The following HIRA variants were observed in gnomAD, a reference collection of about 807,000 sequenced individuals.
HIRA encodes the protein histone cell cycle regulator, also known as protein HIRA.
Under a neutral mutation model 126.6 loss-of-function variants are expected in HIRA, and 13 were observed. The observed-to-expected ratio is 0.10, with a 90% CI of 0.07 to 0.16. The LOEUF (loss-of-function observed/expected upper bound fraction) is 0.16, where lower values mean the gene tolerates loss of function less well. Among genes scored for constraint, HIRA ranks in the 10% least tolerant of loss-of-function variants. HIRA has a pLI of 1.00. For missense variants in HIRA, 834 were observed against 1,314.4 expected (o/e 0.63, Z 5.65); for synonymous variants, 511 against 520.0 (o/e 0.98, Z 0.24).
rs531628923 is a variant in HIRA, at chr22:19,398,656, T to G, written c.398-569A>C. Among the ~76,000 whole-genome samples the G allele has an allele frequency of 4.3e-4, 66 of 152,308 alleles. No homozygotes were observed. In the South Asian group the frequency reaches 0.013, roughly 31 times the overall value. On this transcript the variant is annotated intron_variant, in intron 5 of 24. Coordinates refer to ENST00000263208, the MANE Select transcript of HIRA (RefSeq NM_003325.4). ...CACATTCACTTCTTTGTGACTCCAT[T>G]TTATCATTTGTTAAGTGCAGATTAA... is the stretch of plus-strand genomic sequence containing the variant.
intron 8 of HIRA, 122 bp downstream of exon 8, chr22:19,394,220 G>A: frequency 8.3e-7 from 1 of 1,205,516 alleles, no homozygotes; most frequent in South Asian, 1.5e-5. Context: ...AATCAACCAA[G>A]TACATACTCT....
chr22:19,398,163 T>C, intron 5 of HIRA, 76 bp from the exon 6 acceptor site: 3 of 1,006,520 alleles, frequency 3.0e-6, no homozygotes, highest in Non-Finnish European at 4.6e-6. Context: ...CCAGTGCCCC[T>C]GGGACCTGGG....
At chr22:19,393,270 T>G (rs1014992475) in intron 8 of HIRA, among the ~76,000 whole-genome samples, 57 of 152,216 alleles carry the variant, frequency 3.7e-4, no homozygotes, top group African/African-American at 1.3e-3. Context: ...AAACCCTACA[T>G]GAACTCCAAA....
chr22:19,384,935 T>G (rs2146217479), intron 12 of HIRA, among the ~76,000 whole-genome samples: 1 of 151,954 alleles, frequency 6.6e-6, no homozygotes, highest in East Asian at 1.9e-4. Context: ...ATTACAGGGG[T>G]GAGCCACTGC....
intron 4 of HIRA, 100 bp from the exon 5 acceptor site, chr22:19,405,980 A>T: frequency 3.0e-6 from 2 of 656,990 alleles, no homozygotes; most frequent in Middle Eastern, 2.8e-4. Flanking sequence ...AGAACAAAGC[A>T]AAAACAAACA....
At chr22:19,339,276 A>G (rs2088600077) in intron 24 of HIRA, among the ~76,000 whole-genome samples, 2 of 152,262 alleles carry the variant, frequency 1.3e-5, no homozygotes, top group Admixed American at 1.3e-4. Flanking sequence ...GCTTATCAAA[A>G]CCTCTGGGAC....
intron 24 of HIRA, among the ~76,000 whole-genome samples, chr22:19,342,961 T>A (rs782736596): frequency 6.6e-6 from 1 of 151,908 alleles, no homozygotes; most frequent in African/African-American, 2.4e-5. Flanking sequence ...CTGGATGGAG[T>A]TGGAGACCAT....
chr22:19,424,983 T>C (rs1305309684), intron 1 of HIRA, among the ~76,000 whole-genome samples: 1 of 152,138 alleles, frequency 6.6e-6, no homozygotes, highest in Non-Finnish European at 1.5e-5. Context: ...CAGAAGAGAC[T>C]AGCCTGTCAA....
At chr22:19,344,478 G>A (rs969111300) in intron 24 of HIRA, among the ~76,000 whole-genome samples, 5 of 152,068 alleles carry the variant, frequency 3.3e-5, no homozygotes, top group Admixed American at 6.6e-5. Flanking sequence ...AAATCTGGAC[G>A]GATCTCTAAT....
chr22:19,340,968 A>C (rs782400911), intron 24 of HIRA, among the ~76,000 whole-genome samples: 1 of 152,230 alleles, frequency 6.6e-6, no homozygotes, highest in African/African-American at 2.4e-5. Flanking sequence ...TGCAATTCCC[A>C]TCAAACTACC....
chr22:19,422,199 CAT>C (rs1169116486), intron 1 of HIRA, among the ~76,000 whole-genome samples: 3,879 of 139,368 alleles, frequency 0.028, 143 homozygotes, highest in African/African-American at 0.094. Context: ...CACACATACA[CAT>C]ATATATATAT....
intron 10 of HIRA, among the ~76,000 whole-genome samples, chr22:19,388,138 T>C (rs574164780): frequency 6.6e-6 from 1 of 152,328 alleles, no homozygotes; most frequent in East Asian, 1.9e-4. Flanking sequence ...AAAGTATACA[T>C]ATAAATCAGG....
intron 4 of HIRA, among the ~76,000 whole-genome samples, chr22:19,406,940 G>A (rs1187162260): frequency 1.3e-5 from 2 of 152,134 alleles, no homozygotes; most frequent in African/African-American, 2.4e-5. Context: ...CACCCACATC[G>A]GCACTAGAAG....
At chr22:19,414,199 T>C (rs867293244) in intron 1 of HIRA, among the ~76,000 whole-genome samples, 4 of 152,218 alleles carry the variant, frequency 2.6e-5, no homozygotes, top group African/African-American at 4.8e-5. Flanking sequence ...AGTCAGCCAC[T>C]GTCTACTGTC....
intron 24 of HIRA, among the ~76,000 whole-genome samples, chr22:19,348,505 T>G (rs2088713964): frequency 6.6e-6 from 1 of 151,956 alleles, no homozygotes; most frequent in Non-Finnish European, 1.5e-5. Flanking sequence ...AGCTGATTTT[T>G]TTTTTTTTGA....
At chr22:19,391,344 G>C (rs1490034738) in intron 9 of HIRA, among the ~76,000 whole-genome samples, 1 of 152,188 alleles carries the variant, frequency 6.6e-6, no homozygotes, top group East Asian at 1.9e-4. Context: ...TGGTGGTGAG[G>C]GAGGTCTTGA....
chr22:19,338,083 C>T (rs551415131), intron 24 of HIRA, among the ~76,000 whole-genome samples: 9 of 152,172 alleles, frequency 5.9e-5, no homozygotes, highest in East Asian at 1.9e-4. Flanking sequence ...TGAGCCACTG[C>T]GCCTGGCCAG....
At position 19,356,219 on chromosome 22, in the gene HIRA, G is replaced by C. The variant is rs782417290; in HGVS notation, c.2455+11C>G. On this transcript the variant is annotated intron_variant, in intron 20 of 24. Coordinates refer to ENST00000263208, the MANE Select transcript of HIRA (RefSeq NM_003325.4). Reference sequence around the variant, plus strand: ...CCCAAAAGAGTAGGGACAGCCTGTTGCCTGCATTACCTGCCAGGATGGAGT... The same window carrying C: ...CCCAAAAGAGTAGGGACAGCCTGTTCCCTGCATTACCTGCCAGGATGGAGT... 6.2e-7 allele frequency: 1 copy of C among 1,612,128 alleles called. No homozygotes were observed. The highest frequency in any genetic ancestry group is 1.7e-5 in the Admixed American group (1 of 60,016).
At chr22:19,424,129 C>T (rs754442910) in intron 1 of HIRA, among the ~76,000 whole-genome samples, 1 of 152,242 alleles carries the variant, frequency 6.6e-6, no homozygotes, top group Non-Finnish European at 1.5e-5. Context: ...TACCAAGTAC[C>T]ATTCCTGGCC....
Sources: allele counts gnomAD v4.1 joint callset (sites outside exome capture counted in the v4.1 genomes callset), GRCh38; gene constraint gnomAD v4.1.1; transcripts MANE v1.5; gene names NCBI Gene and HGNC (gene_info 2026-07-23, HGNC 2026-07-21).